AP2A2: variants seen among roughly 807,000 people sequenced by gnomAD.
The protein encoded by AP2A2 is adaptor related protein complex 2 subunit alpha 2.
Under a neutral mutation model 104.2 loss-of-function variants are expected in AP2A2, and 32 were observed. The ratio of observed to expected loss-of-function variants is 0.31; its 90% confidence interval spans 0.23 to 0.41. The LOEUF is 0.41. Ranked by LOEUF, AP2A2 falls within the 10% of genes least tolerant of loss-of-function variation. AP2A2 has a pLI of 1.00. For missense variants in AP2A2, 912 were observed against 1,261.0 expected (o/e 0.72, Z 4.19); for synonymous variants, 539 against 533.3 (o/e 1.01, Z -0.15).
intron 5 of AP2A2, 113 bp downstream of exon 5, chr11:977,337 G>A: frequency 7.3e-7 from 1 of 1,368,312 alleles, no homozygotes; most frequent in Non-Finnish European, 9.8e-7. Context: ...CTGTCACAGG[G>A]GCTGCTGTGG....
At position 1,009,686 on chromosome 11, in the gene AP2A2, A is replaced by G. The variant is rs1340916538; in HGVS notation, c.2611A>G (p.Ile871Val). The G allele has an allele frequency of 1.9e-6, 3 of 1,571,686 alleles. No homozygotes were observed. The highest frequency in any genetic ancestry group is 2.6e-6 in the Non-Finnish European group (3 of 1,156,792). The part of the protein sequence containing the change: ...MDTEVTKAKI[I>V]GFGSALLEEV... The stretch of plus-strand genomic sequence containing the variant: ...ATTCTCCTGTTTCTTTGGACAGATC[A>G]TTGGATTTGGTTCTGCACTTCTTGA... The change falls in exon 21 of 22, where the codon ATT becomes GTT. Residue 871 changes from isoleucine to valine, a missense_variant. Around this residue, in one of 7 missense-constraint regions of AP2A2, gnomAD observed 239 missense variants for 329.8 expected, o/e 0.72. Coordinates refer to ENST00000448903, the MANE Select transcript of AP2A2 (RefSeq NM_012305.4).
At chr11:998,625 A>G (rs1855933131) in intron 14 of AP2A2, among the ~76,000 whole-genome samples, 1 of 152,016 alleles carries the variant, frequency 6.6e-6, no homozygotes, top group Non-Finnish European at 1.5e-5. Context: ...TGCCTGTGAA[A>G]TGCCAATATC....
At chr11:1,004,907 T>C (rs1347549655) in intron 16 of AP2A2, among the ~76,000 whole-genome samples, 1 of 152,162 alleles carries the variant, frequency 6.6e-6, no homozygotes, top group African/African-American at 2.4e-5. Flanking sequence ...TGTACAGTAG[T>C]GCGGGCACTG....
rs148678177 is a variant in AP2A2 at position 983,727 on chromosome 11, C to T, written c.706-918C>T. ...TGAGATGAATTTTTGTTGCTTTTCT[C>T]TTTATATTTGTTTCAAATATATACA... On this transcript the variant is annotated intron_variant, in intron 6 of 21. Transcript: ENST00000448903. 6.6e-5 allele frequency among the ~76,000 whole-genome samples: 10 copies of T among 152,320 alleles called. No homozygotes were observed. In the East Asian group the frequency reaches 1.4e-3, roughly 21 times the overall value.
intron 6 of AP2A2, 26 bp from the exon 7 acceptor site, chr11:984,619 G>T (rs768692970): frequency 6.4e-7 from 1 of 1,569,024 alleles, no homozygotes; most frequent in Non-Finnish European, 8.8e-7. Flanking sequence ...CCGGCAGCGT[G>T]TCTCATTGCC....
At chr11:972,038 C>G in intron 3 of AP2A2, 24 bp from the exon 4 acceptor site, 1 of 1,598,664 alleles carries the variant, frequency 6.3e-7, no homozygotes, top group Non-Finnish European at 8.5e-7. Context: ...TGAGCTTTCT[C>G]TTCTCCTGTC....
At position 986,789 on chromosome 11, in the gene AP2A2, C is replaced by T; in HGVS notation, c.967C>T (p.Pro323Ser). Residue 323 changes from proline (P) to serine (S), a missense_variant, in exon 9 of 22, where the codon CCG becomes TCG. This residue lies in a region of AP2A2 where 350 missense variants were observed against 487.0 expected (regional missense o/e 0.72). Transcript: ENST00000448903. ...ISLIIHHDSE[P>S]NLLVRACNQL... is the part of the protein sequence containing the mutation. ...ACTTCCCCTCCCTCCACACAGTGAG[C>T]CGAACCTGCTCGTCCGTGCCTGCAA... The T allele has an allele frequency of 6.2e-7, 1 of 1,612,984 alleles. No individual in the cohort carries two copies. The highest frequency in any genetic ancestry group is 1.7e-4 in the Middle Eastern group (1 of 6,018).
chr11:983,240 G>A (rs935493487), intron 6 of AP2A2, among the ~76,000 whole-genome samples: 10 of 151,508 alleles, frequency 6.6e-5, no homozygotes, highest in Admixed American at 5.9e-4. Context: ...GGCTGGTTGC[G>A]AACTCCCGAC....
chr11:995,231 T>C, intron 14 of AP2A2: 1 of 449,568 alleles, frequency 2.2e-6, no homozygotes, highest in Non-Finnish European at 4.5e-6. Flanking sequence ...TGTCCTGCCC[T>C]GCTCTTCGAG....
intron 2 of AP2A2, among the ~76,000 whole-genome samples, chr11:964,438 G>C (rs1854543941): frequency 6.6e-6 from 1 of 152,080 alleles, no homozygotes; most frequent in African/African-American, 2.4e-5. Context: ...TTCTGGGGTG[G>C]GCAGGATCTG....
At chr11:989,291 C>G (rs1372661621) in intron 10 of AP2A2, among the ~76,000 whole-genome samples, 1 of 152,036 alleles carries the variant, frequency 6.6e-6, no homozygotes, top group African/African-American at 2.4e-5. Context: ...CGAGATTGCG[C>G]CATTGCACTC....
chr11:1,000,517 G>A lies in AP2A2; in HGVS notation c.2042G>A (p.Ser681Asn), dbSNP rs1188082377. The A allele has an allele frequency of 6.5e-7, 1 of 1,542,720 alleles. No homozygotes were observed. The highest frequency in any genetic ancestry group is 1.9e-5 in the Admixed American group (1 of 51,558). ...GGCCCCCCACCCTCCTCCGGCGGCA[G>A]CGGGCTGCTCGTGGACGTGTTCTCA... is the stretch of plus-strand genomic sequence containing the variant. ...PAGPPPSSGG[S>N]GLLVDVFSDS... The change falls in exon 15 of 22, where the codon AGC becomes AAC. Residue 681 changes from serine (S) to asparagine (N), a missense_variant. Ser to Asn is a conservative substitution (Grantham distance 46). Coordinates refer to ENST00000448903, the MANE Select transcript of AP2A2 (RefSeq NM_012305.4).
intron 1 of AP2A2, among the ~76,000 whole-genome samples, chr11:949,781 G>GA (rs59282675): frequency 0.63 from 89,321 of 141,388 alleles, 27,580 homozygotes; most frequent in Middle Eastern, 0.74. Context: ...TCTCAAAAAA[G>GA]AAAAAAAAAA....
intron 1 of AP2A2, among the ~76,000 whole-genome samples, chr11:949,981 A>G (rs10902244): frequency 0.48 from 72,745 of 151,928 alleles, 18,349 homozygotes; most frequent in Middle Eastern, 0.65. Context: ...AACTTAATAC[A>G]CAAATGATTA....
At position 1,008,612 on chromosome 11, in the gene AP2A2, C is replaced by T. The variant is rs1447719005; in HGVS notation, c.2420+477C>T. 4.0e-5 allele frequency: 8 copies of T among 197,668 alleles called. No individual in the cohort carries two copies. The East Asian group carries it at 1.1e-3, about 27-fold the overall frequency. 12.2% of individuals were successfully genotyped at this position (197,668 alleles called of 1,614,324 possible). On this transcript the variant is annotated intron_variant, in intron 18 of 21. Transcript: ENST00000448903. ...GCGACTGTTCATTACTCTCACTTTT[C>T]AGTGACTACAAATAGCGTGGATACA...
intron 1 of AP2A2, chr11:947,105 G>T (rs1208046644): frequency 6.6e-6 from 1 of 150,828 alleles, no homozygotes; most frequent in Non-Finnish European, 1.5e-5. Flanking sequence ...CCACCTCCCG[G>T]ACTCAGGTGA....
At position 1,011,864 on chromosome 11, in the gene AP2A2, G is replaced by A; in HGVS notation, c.*1239G>A. ...AGGGTCTCCACAGCTCCCCTGCAGTGTGTGCACCCCACAATGTCTGCGGCT... is the reference window on the plus strand; with the variant it reads ...AGGGTCTCCACAGCTCCCCTGCAGTATGTGCACCCCACAATGTCTGCGGCT... On this transcript the variant is annotated 3_prime_UTR_variant, in exon 22 of 22. Coordinates refer to ENST00000448903, the MANE Select transcript of AP2A2 (RefSeq NM_012305.4). The A allele has an allele frequency of 4.2e-6, 1 of 236,694 alleles. No individual in the cohort carries two copies. Among genetic ancestry groups the A allele is most frequent in the Non-Finnish European group, 8.5e-6 (1 of 118,288 alleles). The allele number at this position is 236,694 out of a possible 1,614,324, so 14.7% of individuals were successfully genotyped here.
At chr11:994,584 G>A (rs1160291495) in intron 14 of AP2A2, among the ~76,000 whole-genome samples, 9 of 134,702 alleles carry the variant, frequency 6.7e-5, no homozygotes, top group East Asian at 4.5e-4. Flanking sequence ...TGGACGCCCC[G>A]TTGTCCTGTC....
chr11:1,009,466 C>A, intron 20 of AP2A2, 69 bp downstream of exon 20: 2 of 1,495,026 alleles, frequency 1.3e-6, no homozygotes, highest in Non-Finnish European at 1.8e-6. Context: ...TCTGGAGGGA[C>A]GGCCCCGGGG....
Sources: allele counts gnomAD v4.1 joint callset (sites outside exome capture counted in the v4.1 genomes callset), GRCh38; gene constraint gnomAD v4.1.1; regional missense constraint gnomAD v4.1.1; transcripts MANE v1.5; gene names NCBI Gene and HGNC (gene_info 2026-07-23, HGNC 2026-07-21).